The following ZCCHC7 variants were observed in gnomAD, a reference collection of about 807,000 sequenced individuals.
ZCCHC7 encodes zinc finger CCHC-type containing 7, also known as zinc finger CCHC domain-containing protein 7.
Under a neutral mutation model 52.0 loss-of-function variants are expected in ZCCHC7, and 35 were observed. The observed-to-expected ratio is 0.67, with a 90% CI of 0.51 to 0.89. The LOEUF (loss-of-function observed/expected upper bound fraction) is 0.89. Ranked by LOEUF, ZCCHC7 falls within the 40% of genes least tolerant of loss-of-function variation. The probability of loss-of-function intolerance (pLI) is 0.00; values close to 1 mark genes in which losing one functional copy is unlikely to be tolerated. For missense variants in ZCCHC7, 574 were observed against 649.1 expected (o/e 0.88, Z 1.26); for synonymous variants, 217 against 221.5 (o/e 0.98, Z 0.18).
intron 5 of ZCCHC7, among the ~76,000 whole-genome samples, chr9:37,306,488 T>C (rs193015972): frequency 6.4e-4 from 96 of 150,340 alleles, no homozygotes; most frequent in African/African-American, 2.3e-3. Context: ...TTTTTTGAGA[T>C]GGAGTCTCGC....
In ZCCHC7 at chr9:37,302,951, T is replaced by TCAGTCTTTTATTATCATC. The variant is rs1829103425; in HGVS notation, c.654+728_654+745dup. On this transcript the variant is annotated intron_variant, in intron 3 of 8. Transcript: ENST00000336755. ...ATTTCTATAAAGGAAGACTGGATTA[T>TCAGTCTTTTATTATCATC]CAGTCTTTTATTATCATCCAGTCTT... Among the ~76,000 whole-genome samples, 3 of 152,234 alleles carry TCAGTCTTTTATTATCATC rather than the reference T, an allele frequency of 2.0e-5. No individual in the cohort carries two copies. The South Asian group carries it at 6.2e-4, about 32-fold the overall frequency.
At chr9:37,331,854 T>C (rs2118258943) in intron 6 of ZCCHC7, among the ~76,000 whole-genome samples, 1 of 151,638 alleles carries the variant, frequency 6.6e-6, no homozygotes, top group Non-Finnish European at 1.5e-5. Flanking sequence ...GATAGGTCTG[T>C]TTTTCTCTGT....
intron 2 of ZCCHC7, among the ~76,000 whole-genome samples, chr9:37,127,629 A>G (rs766886703): frequency 2.6e-5 from 4 of 152,166 alleles, no homozygotes; most frequent in African/African-American, 7.2e-5. Context: ...CTTTATGCCT[A>G]ATGCTCAGTC....
chr9:37,146,859 T>C (rs1843459096), intron 2 of ZCCHC7, among the ~76,000 whole-genome samples: 1 of 151,914 alleles, frequency 6.6e-6, no homozygotes, highest in Admixed American at 6.6e-5. Flanking sequence ...CAGATGCTCA[T>C]ATAATTTAAA....
rs983901902 is a variant in ZCCHC7, at chr9:37,177,123, C to T, written c.610+50181C>T. Among the ~76,000 whole-genome samples the T allele has an allele frequency of 5.9e-5, 9 of 152,038 alleles. No homozygotes were observed. In the East Asian group the frequency reaches 7.7e-4, roughly 13 times the overall value. ...TTGGGAGGCCAGGGTGGGCAGATCA[C>T]GAGGTCAGGAGTTTGAGACGAGCCT... is the stretch of plus-strand genomic sequence containing the variant. On this transcript the variant is annotated intron_variant, in intron 2 of 8. Transcript: ENST00000336755.
At chr9:37,290,673 T>C (rs1828493081) in intron 2 of ZCCHC7, among the ~76,000 whole-genome samples, 1 of 152,030 alleles carries the variant, frequency 6.6e-6, no homozygotes, top group South Asian at 2.1e-4. Flanking sequence ...AAAAAAGGAA[T>C]TGATAGTACA....
intron 2 of ZCCHC7, among the ~76,000 whole-genome samples, chr9:37,148,757 A>G (rs1843555304): frequency 1.3e-5 from 2 of 152,154 alleles, no homozygotes; most frequent in Non-Finnish European, 2.9e-5. Context: ...TTTGAGAAAC[A>G]AAGGCTTAGG....
At chr9:37,277,514 A>G (rs1487952709) in intron 2 of ZCCHC7, among the ~76,000 whole-genome samples, 3 of 152,134 alleles carry the variant, frequency 2.0e-5, no homozygotes, top group Non-Finnish European at 2.9e-5. Context: ...AATAAAATAA[A>G]CTATCTGAAG....
intron 2 of ZCCHC7, among the ~76,000 whole-genome samples, chr9:37,288,486 A>G (rs78418673): frequency 0.041 from 6,164 of 152,080 alleles, 193 homozygotes; most frequent in Middle Eastern, 0.061. Flanking sequence ...GAGATAGGGT[A>G]CCACATTATG....
intron 6 of ZCCHC7, among the ~76,000 whole-genome samples, chr9:37,343,007 C>T (rs1034760314): frequency 6.6e-6 from 1 of 152,082 alleles, no homozygotes; most frequent in Middle Eastern, 3.4e-3. Context: ...ATAAGCCAAA[C>T]ATAATCTTTG....
intron 2 of ZCCHC7, among the ~76,000 whole-genome samples, chr9:37,159,584 A>G (rs1043713400): frequency 1.3e-5 from 2 of 152,202 alleles, no homozygotes; most frequent in African/African-American, 4.8e-5. Flanking sequence ...TTATTACTGT[A>G]TCTCAATGAT....
Position 37,207,497 on chromosome 9 carries a change from GT to G in ZCCHC7, c.610+80574del, listed in dbSNP as rs3074709. On this transcript the variant is annotated intron_variant, in intron 2 of 8. Transcript: ENST00000336755. ...AACTTTTATTTATTATTTCTCCAGA[GT>G]TTTTTTTTTTTTTTTTTTGCCTTGT... Among the ~76,000 whole-genome samples the G allele has an allele frequency of 4.7e-3, 440 of 94,048 alleles. 1 individual carries two copies. Among genetic ancestry groups the G allele is most frequent in the African/African-American group, 0.014 (307 of 22,400 alleles). The allele number at this position is 94,048 out of a possible 152,430, so 61.7% of individuals were successfully genotyped here. A position where few individuals can be genotyped will look rare whatever the true frequency, so the allele number is the denominator to read the frequency against.
chr9:37,148,870 C>A (rs1781626200), intron 2 of ZCCHC7, among the ~76,000 whole-genome samples: 1 of 152,050 alleles, frequency 6.6e-6, no homozygotes, highest in African/African-American at 2.4e-5. Context: ...GGAGGTAAGG[C>A]AATTCAGCAA....
At chr9:37,274,158 A>C (rs1827567771) in intron 2 of ZCCHC7, among the ~76,000 whole-genome samples, 1 of 152,018 alleles carries the variant, frequency 6.6e-6, no homozygotes, top group Admixed American at 6.6e-5. Flanking sequence ...ATTTTACTCC[A>C]TTAGCTTTAT....
intron 2 of ZCCHC7, among the ~76,000 whole-genome samples, chr9:37,258,757 TAAAAAAAAAAAAA>T (rs5897683): frequency 5.2e-4 from 29 of 55,368 alleles, no homozygotes; most frequent in African/African-American, 2.3e-3. Flanking sequence ...TCCTGTCTCT[TAAAAAAAAAAAAA>T]AAAAAAAAAA....
chr9:37,321,971 A>G (rs928039945), intron 5 of ZCCHC7, among the ~76,000 whole-genome samples: 1 of 152,158 alleles, frequency 6.6e-6, no homozygotes, highest in Non-Finnish European at 1.5e-5. Flanking sequence ...GGACAATGAA[A>G]TCACTCATGG....
intron 2 of ZCCHC7, among the ~76,000 whole-genome samples, chr9:37,236,558 AT>A (rs1053036509): frequency 2.0e-5 from 3 of 150,746 alleles, no homozygotes; most frequent in Non-Finnish European, 3.0e-5. Context: ...CGCCCGGCTA[AT>A]TTTTTTTTGT....
intron 2 of ZCCHC7, among the ~76,000 whole-genome samples, chr9:37,159,738 T>C (rs1820993779): frequency 6.6e-6 from 1 of 152,200 alleles, no homozygotes; most frequent in Non-Finnish European, 1.5e-5. Context: ...CTTTCTAGAA[T>C]TCCTGTAGAA....
chr9:37,315,118 TA>T (rs536319223), intron 5 of ZCCHC7, among the ~76,000 whole-genome samples: 1,416 of 141,492 alleles, frequency 0.01, 4 homozygotes, highest in African/African-American at 0.017. Context: ...ATATTTCAGT[TA>T]AAAAAAAAAA....
Sources: allele counts gnomAD v4.1 joint callset (sites outside exome capture counted in the v4.1 genomes callset), GRCh38; gene constraint gnomAD v4.1.1; transcripts MANE v1.5; gene names NCBI Gene and HGNC (gene_info 2026-07-23, HGNC 2026-07-21).